The following ZNF254 variants were observed in gnomAD, a reference collection of about 807,000 sequenced individuals.
ZNF254 encodes zinc finger protein 254, also known as CTD-2017D11.1.
ZNF254 carries 10 observed loss-of-function variants against 12.4 expected under a neutral mutation model. The observed-to-expected ratio is 0.80, with a 90% confidence interval of 0.50 to 1.36. The LOEUF (loss-of-function observed/expected upper bound fraction) is 1.36. Among genes scored for constraint, ZNF254 ranks in the 40% most tolerant of loss-of-function variants. ZNF254 has a pLI of 0.00. For missense variants in ZNF254, 996 were observed against 763.9 expected, an observed-to-expected ratio of 1.30 and a Z score of -3.58; for synonymous variants, 305 against 253.4, an observed-to-expected ratio of 1.20 and a Z score of -1.93.
At chr19:24,105,631 A>G (rs757215923) in intron 1 of ZNF254, 36 of 260,816 alleles carry the variant, frequency 1.4e-4, no homozygotes, top group Middle Eastern at 1.4e-3. Flanking sequence ...AAAAATATAC[A>G]TAACTCATTC....
At chr19:24,057,212 T>A (rs1270269304) in intron 2 of ZNF254, among the ~76,000 whole-genome samples, 1 of 152,224 alleles carries the variant, frequency 6.6e-6, no homozygotes, top group Admixed American at 6.5e-5. Context: ...TTGCCAATTG[T>A]TAAGATTGTC....
Position 24,128,201 on chromosome 19 carries a change from G to A in ZNF254, c.*221G>A. On this transcript the variant is annotated 3_prime_UTR_variant, in exon 4 of 4. Coordinates refer to ENST00000357002, the MANE Select transcript of ZNF254 (RefSeq NM_203282.4). The stretch of plus-strand genomic sequence containing the variant: ...TGTAGGTAAGATAATTCATACTGGA[G>A]AAAACTACCAGTGTGAACAACGTGG... The A allele has an allele frequency of 2.1e-6, 1 of 480,302 alleles. No individual in the cohort carries two copies. Among genetic ancestry groups the A allele is most frequent in the Non-Finnish European group, 3.5e-6 (1 of 287,500 alleles). 29.8% of individuals were successfully genotyped at this position (480,302 alleles called of 1,614,324 possible).
intron 2 of ZNF254, chr19:24,046,389 A>ATT (rs1970391212): frequency 7.4e-6 from 1 of 135,116 alleles, no homozygotes; most frequent in African/African-American, 2.8e-5. Context: ...ATATATATAT[A>ATT]TATATATATA....
At chr19:24,071,874 G>A (rs1164154331) in intron 2 of ZNF254, among the ~76,000 whole-genome samples, 1 of 152,128 alleles carries the variant, frequency 6.6e-6, no homozygotes, top group Non-Finnish European at 1.5e-5. Context: ...TATTAGCAGG[G>A]CTCATGCAGG....
At chr19:24,118,445 A>G (rs1463714039) in intron 3 of ZNF254, among the ~76,000 whole-genome samples, 3 of 151,870 alleles carry the variant, frequency 2.0e-5, no homozygotes, top group African/African-American at 7.3e-5. Flanking sequence ...TTTCGTTGTG[A>G]TTTTTATGCA....
intron 2 of ZNF254, among the ~76,000 whole-genome samples, chr19:24,060,499 G>A (rs80112533): frequency 6.6e-6 from 1 of 152,050 alleles, no homozygotes; most frequent in Non-Finnish European, 1.5e-5. Context: ...ATATCTCTTG[G>A]CCCATCAACT....
At chr19:24,065,829 A>C (rs1049776771) in intron 2 of ZNF254, 22 of 152,132 alleles carry the variant, frequency 1.4e-4, no homozygotes, top group African/African-American at 5.3e-4. Context: ...GACATTGTTA[A>C]ATATTGTTGG....
chr19:24,069,003 GTTTCT>G (rs946896973), intron 2 of ZNF254, among the ~76,000 whole-genome samples: 11 of 151,930 alleles, frequency 7.2e-5, no homozygotes, highest in Admixed American at 1.3e-4. Flanking sequence ...ATGATATTGC[GTTTCT>G]TTTCTTTTCT....
intron 1 of ZNF254, among the ~76,000 whole-genome samples, chr19:24,040,517 C>T (rs950623628): frequency 6.6e-6 from 1 of 152,148 alleles, no homozygotes; most frequent in Non-Finnish European, 1.5e-5. Context: ...ATATCCCTCC[C>T]ATCTGTCTGT....
intron 1 of ZNF254, 176 bp from the exon 2 acceptor site, chr19:24,105,764 C>T (rs1344094396): frequency 4.7e-6 from 5 of 1,056,824 alleles, no homozygotes; most frequent in Non-Finnish European, 6.4e-6. Flanking sequence ...TCTATTTTCT[C>T]AGAGTTAGAG....
intron 3 of ZNF254, among the ~76,000 whole-genome samples, chr19:24,125,213 T>A (rs976127554): frequency 1.3e-4 from 20 of 151,458 alleles, no homozygotes; most frequent in Non-Finnish European, 5.9e-5. Flanking sequence ...AGCTTTTTTA[T>A]TTTTACATCT....
upstream of ZNF254, among the ~76,000 whole-genome samples, chr19:24,084,252 A>AGCAACCTCAATG (rs1971948622): frequency 6.6e-6 from 1 of 150,610 alleles, no homozygotes; most frequent in South Asian, 2.1e-4. Context: ...TAGCACTTGC[A>AGCAACCTCAATG]GCAACCTCAA....
At chr19:24,053,593 A>G (rs1970729166) in intron 2 of ZNF254, among the ~76,000 whole-genome samples, 1 of 151,908 alleles carries the variant, frequency 6.6e-6, no homozygotes, top group African/African-American at 2.4e-5. Context: ...TCTACTTCCT[A>G]GGCTTTTCCT....
At chr19:24,044,079 A>C (rs1377616065) in intron 1 of ZNF254, among the ~76,000 whole-genome samples, 3 of 151,636 alleles carry the variant, frequency 2.0e-5, no homozygotes, top group Admixed American at 6.6e-5. Context: ...TCTCTACTGA[A>C]AATACAAAAA....
chr19:24,054,926 C>A lies in ZNF254; in HGVS notation c.-94+8647C>A, dbSNP rs115579006. Among the ~76,000 whole-genome samples the A allele has an allele frequency of 5.0e-3, 754 of 152,118 alleles. 3 individuals are homozygous for A. The highest frequency in any genetic ancestry group is 0.018 in the African/African-American group (728 of 41,522). On this transcript the variant is annotated intron_variant, in intron 2 of 4. Transcript: ENST00000613065. Reference sequence around the variant, plus strand: ...CCTTTGAGTAGTATAGTGTACTAACCAGGCGCAGTGGCTCACGCCTGTAAT... The same window carrying A: ...CCTTTGAGTAGTATAGTGTACTAACAAGGCGCAGTGGCTCACGCCTGTAAT...
chr19:24,074,555 C>T (rs1339404371), intron 2 of ZNF254, among the ~76,000 whole-genome samples: 2 of 152,174 alleles, frequency 1.3e-5, no homozygotes, highest in African/African-American at 4.8e-5. Context: ...AAGAGCGTGA[C>T]TTATCCCTGG....
At chr19:24,066,613 C>A (rs1307277147) in intron 2 of ZNF254, 3 of 152,010 alleles carry the variant, frequency 2.0e-5, no homozygotes. Context: ...TTGGGGAGGC[C>A]AAGGTGGGCA....
At chr19:24,068,798 G>A (rs1309118370) in intron 2 of ZNF254, among the ~76,000 whole-genome samples, 1 of 152,146 alleles carries the variant, frequency 6.6e-6, no homozygotes, top group African/African-American at 2.4e-5. Flanking sequence ...GCTTCAGCTT[G>A]CAATTGCTAT....
intron 3 of ZNF254, among the ~76,000 whole-genome samples, chr19:24,117,837 G>T (rs990518283): frequency 6.6e-6 from 1 of 151,876 alleles, no homozygotes; most frequent in African/African-American, 2.4e-5. Context: ...GGCCATCTTG[G>T]CTGCTCAAGA....
Sources: allele counts gnomAD v4.1 joint callset (sites outside exome capture counted in the v4.1 genomes callset), GRCh38; gene constraint gnomAD v4.1.1; transcripts MANE v1.5; gene names NCBI Gene and HGNC (gene_info 2026-07-23, HGNC 2026-07-21).